The following NEK10 variants were observed in gnomAD, a reference collection of about 807,000 sequenced individuals.
NEK10 encodes the protein serine/threonine-protein kinase Nek10.
A neutral mutation model predicts 159.8 loss-of-function variants in NEK10; 122 were observed. The ratio of observed to expected loss-of-function variants is 0.76; its 90% CI spans 0.66 to 0.89. The LOEUF is 0.89. Among genes scored for constraint, NEK10 ranks in the 40% least tolerant of loss-of-function variants. The pLI, the probability that NEK10 is intolerant of heterozygous loss-of-function variation, is 0.00. For missense variants in NEK10, 1,342 were observed against 1,323.1 expected, an observed-to-expected ratio of 1.01 and a Z score of -0.22; for synonymous variants, 466 against 457.1, an observed-to-expected ratio of 1.02 and a Z score of -0.25.
intron 3 of NEK10, among the ~76,000 whole-genome samples, chr3:27,350,733 T>C (rs534819187): frequency 6.6e-6 from 1 of 152,250 alleles, no homozygotes; most frequent in South Asian, 2.1e-4. Flanking sequence ...AAATTAACTT[T>C]AATTAAGCCT....
At chr3:27,364,723 G>T (rs2048936817) in intron 1 of NEK10, among the ~76,000 whole-genome samples, 1 of 152,110 alleles carries the variant, frequency 6.6e-6, no homozygotes, top group Non-Finnish European at 1.5e-5. Flanking sequence ...ACCCTCTGAG[G>T]TGATTAGTAT....
intron 20 of NEK10, among the ~76,000 whole-genome samples, 193 bp from the exon 21 acceptor site, chr3:27,285,154 G>A (rs1031100947): frequency 6.6e-6 from 1 of 152,074 alleles, no homozygotes; most frequent in Non-Finnish European, 1.5e-5. Context: ...AGGGAAACTG[G>A]GGCCCAGCCA....
At chr3:27,209,246 C>A (rs1950791565) in intron 23 of NEK10, among the ~76,000 whole-genome samples, 1 of 152,198 alleles carries the variant, frequency 6.6e-6, no homozygotes, top group Admixed American at 6.5e-5. Flanking sequence ...ATTGGCCACC[C>A]TGTATTTCAT....
chr3:27,136,063 G>A (rs1330195374), intron 31 of NEK10, among the ~76,000 whole-genome samples: 2 of 151,242 alleles, frequency 1.3e-5, no homozygotes, highest in Non-Finnish European at 2.9e-5. Context: ...CAATTCAAAG[G>A]CGCTTCAAAT....
At chr3:27,244,485 T>A (rs1254567357) in intron 23 of NEK10, among the ~76,000 whole-genome samples, 1 of 152,270 alleles carries the variant, frequency 6.6e-6, no homozygotes, top group Non-Finnish European at 1.5e-5. Context: ...GTGAGCACAA[T>A]ATTAAGCTTT....
intron 32 of NEK10, among the ~76,000 whole-genome samples, chr3:27,127,743 T>C (rs1007602374): frequency 6.6e-6 from 1 of 152,140 alleles, no homozygotes; most frequent in Non-Finnish European, 1.5e-5. Context: ...TAAATATATA[T>C]TTCAAACACT....
chr3:27,366,359 A>G (rs181761468), intron 1 of NEK10, among the ~76,000 whole-genome samples: 45 of 152,266 alleles, frequency 3.0e-4, no homozygotes, highest in African/African-American at 1.0e-3. Context: ...CTAAGAGAAT[A>G]GTGCCTTTGT....
At chr3:27,212,860 AGT>A (rs1349816757) in intron 23 of NEK10, among the ~76,000 whole-genome samples, 3 of 152,160 alleles carry the variant, frequency 2.0e-5, no homozygotes, top group Non-Finnish European at 4.4e-5. Context: ...CTCAAACTAG[AGT>A]GTGAGACGGA....
intron 4 of NEK10, among the ~76,000 whole-genome samples, 155 bp from the exon 5 acceptor site, chr3:27,344,525 C>T (rs1238393900): frequency 2.0e-5 from 3 of 152,082 alleles, no homozygotes; most frequent in Admixed American, 6.6e-5. Flanking sequence ...AGGAGCCTTG[C>T]GTTTAACATG....
At chr3:27,137,826 G>T (rs745735019) in intron 31 of NEK10, among the ~76,000 whole-genome samples, 1 of 152,174 alleles carries the variant, frequency 6.6e-6, no homozygotes, top group Non-Finnish European at 1.5e-5. Flanking sequence ...TCAGCCCCAG[G>T]CTTAAAGACT....
intron 23 of NEK10, among the ~76,000 whole-genome samples, chr3:27,240,942 C>A (rs1040286381): frequency 2.6e-5 from 4 of 152,150 alleles, no homozygotes; most frequent in African/African-American, 7.2e-5. Flanking sequence ...GCATGAGCCA[C>A]CATGCCTGGC....
intron 23 of NEK10, among the ~76,000 whole-genome samples, chr3:27,252,702 G>C (rs1480594347): frequency 1.3e-5 from 2 of 152,210 alleles, no homozygotes; most frequent in Non-Finnish European, 2.9e-5. Flanking sequence ...GCTGAAGGCA[G>C]GTAAGAATTA....
intron 6 of NEK10, among the ~76,000 whole-genome samples, chr3:27,317,884 G>T (rs1185221665): frequency 6.6e-6 from 1 of 152,062 alleles, no homozygotes; most frequent in Non-Finnish European, 1.5e-5. Flanking sequence ...CTCACTGCAA[G>T]CTCCGCCTCC....
chr3:27,273,209 T>C lies in NEK10; in HGVS notation c.2014+11393A>G, dbSNP rs561717602. ...GCTATGCAAGACCCTGCAGCCATGTTCAGGTGACTGACCTCTCTCATAATT... is the reference window on the plus strand; with the variant it reads ...GCTATGCAAGACCCTGCAGCCATGTCCAGGTGACTGACCTCTCTCATAATT... On this transcript the variant is annotated intron_variant, in intron 22 of 35. Coordinates refer to ENST00000691995, the MANE Select transcript of NEK10 (RefSeq NM_001394966.1). 1.2e-4 allele frequency among the ~76,000 whole-genome samples: 18 copies of C among 152,348 alleles called. No homozygotes were observed. The East Asian group carries it at 3.5e-3, about 29-fold the overall frequency.
chr3:27,209,671 C>T (rs1950832021), intron 23 of NEK10, among the ~76,000 whole-genome samples: 1 of 152,184 alleles, frequency 6.6e-6, no homozygotes. Flanking sequence ...AGAATAGCCT[C>T]CTTAGTCCCA....
intron 11 of NEK10, among the ~76,000 whole-genome samples, chr3:27,305,790 A>G (rs1307868801): frequency 6.6e-6 from 1 of 152,170 alleles, no homozygotes; most frequent in African/African-American, 2.4e-5. Context: ...AATTGATGGT[A>G]AAGACACAAG....
chr3:27,328,301 A>G (rs565433817), intron 5 of NEK10, among the ~76,000 whole-genome samples: 1 of 152,360 alleles, frequency 6.6e-6, no homozygotes, highest in African/African-American at 2.4e-5. Flanking sequence ...TCTGATCACA[A>G]AAACAAATAA....
chr3:27,123,174 A>G (rs766982843), intron 32 of NEK10, among the ~76,000 whole-genome samples: 19 of 152,198 alleles, frequency 1.2e-4, no homozygotes, highest in Non-Finnish European at 2.4e-4. Flanking sequence ...GAGACTTGCA[A>G]TCTGACTAGG....
At chr3:27,306,577 A>G (rs73147899) in intron 11 of NEK10, among the ~76,000 whole-genome samples, 3,082 of 152,302 alleles carry the variant, frequency 0.02, 109 homozygotes, top group African/African-American at 0.071. Context: ...AAATTTGATC[A>G]TGCTTAAAAT....
Sources: allele counts gnomAD v4.1 joint callset (sites outside exome capture counted in the v4.1 genomes callset), GRCh38; gene constraint gnomAD v4.1.1; transcripts MANE v1.5; gene names NCBI Gene and HGNC (gene_info 2026-07-23, HGNC 2026-07-21).